The following AKAP13 variants were observed in gnomAD, a reference collection of about 807,000 sequenced individuals.
AKAP13 encodes A-kinase anchor protein 13.
In AKAP13, 80 loss-of-function variants were observed where a neutral mutation model predicts 264.5. The ratio of observed to expected loss-of-function variants is 0.30; its 90% confidence interval spans 0.25 to 0.36. The LOEUF (loss-of-function observed/expected upper bound fraction) is 0.36, where lower values mean the gene tolerates loss of function less well. Ranked by LOEUF, AKAP13 falls within the 10% of genes least tolerant of loss-of-function variation. AKAP13 has a pLI of 1.00. For missense variants in AKAP13, 3,712 were observed against 3,435.2 expected, an observed-to-expected ratio of 1.08 and a Z score of -2.01; for synonymous variants, 1,380 against 1,250.2, an observed-to-expected ratio of 1.10 and a Z score of -2.19.
chr15:85,406,214 T>G (rs1182382662), intron 1 of AKAP13, among the ~76,000 whole-genome samples: 1 of 152,098 alleles, frequency 6.6e-6, no homozygotes, highest in Admixed American at 6.5e-5. Context: ...GATCTTTGAT[T>G]AAGACTGCAC....
At chr15:85,404,713 C>T (rs889511898) in intron 1 of AKAP13, among the ~76,000 whole-genome samples, 15 of 152,210 alleles carry the variant, frequency 9.9e-5, no homozygotes, top group African/African-American at 3.6e-4. Flanking sequence ...ATTCCCTTTA[C>T]TGGGCTAGTG....
intron 10 of AKAP13, among the ~76,000 whole-genome samples, chr15:85,646,855 A>G (rs770030216): frequency 2.0e-5 from 3 of 152,194 alleles, no homozygotes; most frequent in Non-Finnish European, 4.4e-5. Context: ...ATTTGTTTCT[A>G]GTGGCAGCAA....
At chr15:85,586,190 T>G (rs2079335977) in intron 8 of AKAP13, among the ~76,000 whole-genome samples, 1 of 151,866 alleles carries the variant, frequency 6.6e-6, no homozygotes, top group Admixed American at 6.6e-5. Flanking sequence ...CTTCTTTTTC[T>G]TTTTCTTTTT....
At chr15:85,740,399 A>T (rs553883350) in intron 34 of AKAP13, 127 bp downstream of exon 34, 183 of 1,031,956 alleles carry the variant, frequency 1.8e-4, no homozygotes, top group Non-Finnish European at 2.5e-4. Context: ...CAGTCTAGGG[A>T]AGACTGGCTC....
intron 8 of AKAP13, chr15:85,620,029 T>G: frequency 6.5e-7 from 1 of 1,533,690 alleles, no homozygotes; most frequent in Non-Finnish European, 8.7e-7. Flanking sequence ...CTTGCACTGG[T>G]CCCCAAGTTA....
chr15:85,542,308 A>G (rs1351037572), intron 4 of AKAP13, among the ~76,000 whole-genome samples: 1 of 152,200 alleles, frequency 6.6e-6, no homozygotes, highest in African/African-American at 2.4e-5. Flanking sequence ...GAATTGGTCT[A>G]TGCATATACA....
At chr15:85,569,191 C>T (rs1242029492) in intron 5 of AKAP13, among the ~76,000 whole-genome samples, 2 of 152,156 alleles carry the variant, frequency 1.3e-5, no homozygotes, top group Non-Finnish European at 2.9e-5. Context: ...CTGGTAAAGA[C>T]ATTCATAAAG....
chr15:85,583,206 G>A, intron 7 of AKAP13: 1 of 981,840 alleles, frequency 1.0e-6, no homozygotes. Flanking sequence ...TATTTTTGCT[G>A]TTCTTTTCAA....
At chr15:85,479,577 C>T (rs920446494) in intron 1 of AKAP13, among the ~76,000 whole-genome samples, 7 of 152,038 alleles carry the variant, frequency 4.6e-5, no homozygotes, top group African/African-American at 1.4e-4. Flanking sequence ...GTGATCTGCC[C>T]CCTCCTATTT....
chr15:85,580,647 T>A lies in AKAP13; in HGVS notation c.2579T>A (p.Met860Lys), dbSNP rs2079129918. Reference protein sequence around the residue: ...SSTAAELQHGMGNTSLTGLGG... With the variant: ...SSTAAELQHGKGNTSLTGLGG... ...ACTGCTGCAGAGCTTCAGCACGGGA[T>A]GGGGAATACCAGTCTCACAGGACTT... Residue 860 changes from methionine to lysine, a missense_variant, in exon 7 of 37, where the codon ATG becomes AAG. Transcript: ENST00000394518. 1 of 1,614,172 alleles carries A rather than the reference T, an allele frequency of 6.2e-7. No homozygotes were observed. Among genetic ancestry groups the A allele is most frequent in the Non-Finnish European group, 8.5e-7 (1 of 1,180,026 alleles).
rs562512751 is a variant in AKAP13 at position 85,417,369 on chromosome 15, C to A, written c.-12+36571C>A. Among the ~76,000 whole-genome samples the A allele has an allele frequency of 3.3e-5, 5 of 152,264 alleles. No homozygotes were observed. In the South Asian group the frequency reaches 1.0e-3, roughly 32 times the overall value. On this transcript the variant is annotated intron_variant, in intron 1 of 36. Coordinates refer to ENST00000394518, the MANE Select transcript of AKAP13 (RefSeq NM_007200.5). ...TATGACCAAAGGAATCTTTCTGATACTCACTGGTCCTTTTTGGTGGAATCG... is the reference window on the plus strand; with the variant it reads ...TATGACCAAAGGAATCTTTCTGATAATCACTGGTCCTTTTTGGTGGAATCG...
rs895390706 is a variant in AKAP13, at chr15:85,746,372, G to A, written c.*1695G>A. On this transcript the variant is annotated 3_prime_UTR_variant, in exon 37 of 37. Coordinates refer to ENST00000394518, the MANE Select transcript of AKAP13 (RefSeq NM_007200.5). ...CAGTCTAAACTATCCAGTCAATACC[G>A]AGTGAAGTGGCAGCCAGCACTGTTC... is the stretch of plus-strand genomic sequence containing the variant. 3.3e-5 allele frequency: 5 copies of A among 151,986 alleles called. No homozygotes were observed. Among genetic ancestry groups the A allele is most frequent in the East Asian group, 1.9e-4 (1 of 5,190 alleles). The allele number at this position is 151,986 out of a possible 1,614,324, so 9.4% of individuals were successfully genotyped here.
At chr15:85,544,730 A>G (rs1442209411) in intron 5 of AKAP13, among the ~76,000 whole-genome samples, 1 of 152,218 alleles carries the variant, frequency 6.6e-6, no homozygotes, top group Non-Finnish European at 1.5e-5. Flanking sequence ...GTTGTTTAAT[A>G]CATTTTTATT....
At chr15:85,590,532 TAG>T (rs1567143644) in intron 8 of AKAP13, among the ~76,000 whole-genome samples, 1 of 152,240 alleles carries the variant, frequency 6.6e-6, no homozygotes, top group Non-Finnish European at 1.5e-5. Flanking sequence ...ATGAAGGAAT[TAG>T]ACAGTATCTG....
At chr15:85,486,723 T>C (rs764381584) in intron 2 of AKAP13, among the ~76,000 whole-genome samples, 15 of 150,414 alleles carry the variant, frequency 1.0e-4, no homozygotes, top group Non-Finnish European at 1.9e-4. Flanking sequence ...AATTTTGTTA[T>C]CTTAATTGTT....
At chr15:85,467,794 G>T (rs2074804601) in intron 1 of AKAP13, among the ~76,000 whole-genome samples, 1 of 152,150 alleles carries the variant, frequency 6.6e-6, no homozygotes, top group South Asian at 2.1e-4. Flanking sequence ...ACATTTCAGG[G>T]GTTGATATTT....
chr15:85,429,176 ATTTAC>A (rs2072923624), intron 1 of AKAP13, among the ~76,000 whole-genome samples: 1 of 152,042 alleles, frequency 6.6e-6, no homozygotes, highest in South Asian at 2.1e-4. Context: ...CTACCTAATT[ATTTAC>A]TTTTACACCT....
chr15:85,480,586 A>G (rs1271283855), intron 1 of AKAP13, among the ~76,000 whole-genome samples: 3 of 130,454 alleles, frequency 2.3e-5, no homozygotes, highest in Non-Finnish European at 4.7e-5. Context: ...ATGGCACCCT[A>G]TTACTTTCCT....
At position 85,580,784 on chromosome 15, in the gene AKAP13, T is replaced by G; in HGVS notation, c.2716T>G (p.Ser906Ala). Reference sequence around the variant, plus strand: ...GGGTAAGGCCACTTTGGCTTTAGATTCAGTTTTGACTGAAGAAGGAAAACT... The same window carrying G: ...GGGTAAGGCCACTTTGGCTTTAGATGCAGTTTTGACTGAAGAAGGAAAACT... ...SVGKATLALDSVLTEEGKLLV... is the reference protein window; with the variant it reads ...SVGKATLALDAVLTEEGKLLV... Residue 906 changes from serine (S) to alanine (A), a missense_variant, in exon 7 of 37, where the codon TCA becomes GCA. Around this residue, in one of 3 missense-constraint regions of AKAP13, gnomAD observed 2,759 missense variants for 2,411.7 expected, o/e 1.14. Transcript: ENST00000394518. 6.2e-7 allele frequency: 1 copy of G among 1,614,102 alleles called. No homozygotes were observed. The highest frequency in any genetic ancestry group is 1.1e-5 in the South Asian group (1 of 91,082).
Sources: allele counts gnomAD v4.1 joint callset (sites outside exome capture counted in the v4.1 genomes callset), GRCh38; gene constraint gnomAD v4.1.1; regional missense constraint gnomAD v4.1.1; transcripts MANE v1.5; gene names NCBI Gene and HGNC (gene_info 2026-07-23, HGNC 2026-07-21).